PTPN9: variants seen among roughly 807,000 people sequenced by gnomAD.
PTPN9 encodes the protein tyrosine-protein phosphatase non-receptor type 9.
In PTPN9, 26 loss-of-function variants were observed where a neutral mutation model predicts 69.8. The ratio of observed to expected loss-of-function variants is 0.37; its 90% CI spans 0.27 to 0.52. The LOEUF (loss-of-function observed/expected upper bound fraction) is 0.52, where lower values mean the gene tolerates loss of function less well. Among genes scored for constraint, PTPN9 ranks in the 20% least tolerant of loss-of-function variants. PTPN9 has a pLI of 0.91. For missense variants in PTPN9, 549 were observed against 740.3 expected, an observed-to-expected ratio of 0.74 and a Z score of 3.00; for synonymous variants, 274 against 272.5, an observed-to-expected ratio of 1.01 and a Z score of -0.05.
intron 1 of PTPN9, among the ~76,000 whole-genome samples, chr15:75,561,546 G>A (rs1221090842): frequency 6.6e-6 from 1 of 152,000 alleles, no homozygotes; most frequent in Non-Finnish European, 1.5e-5. Context: ...TGTGGTACTT[G>A]AGAGATTAAA....
chr15:75,530,802 TTATAA>T (rs1317057980), intron 1 of PTPN9, among the ~76,000 whole-genome samples: 13 of 91,684 alleles, frequency 1.4e-4, no homozygotes, highest in Non-Finnish European at 2.3e-4. Flanking sequence ...ATAGAATATA[TTATAA>T]TATATCATAA....
rs2074533008 is a variant in PTPN9 at position 75,465,449 on chromosome 15, G to A, written c.*3320C>T. 1 of 152,196 alleles carries A rather than the reference G, an allele frequency of 6.6e-6. No individual in the cohort carries two copies. The highest frequency in any genetic ancestry group is 6.5e-5 in the Admixed American group (1 of 15,270). The allele number at this position is 152,196 out of a possible 1,614,324, so 9.4% of individuals were successfully genotyped here. ...TTTGTTCACTAAGTCTCCTGTATGA[G>A]AACCCTGACTTGCCAAACAGATTCT... On this transcript the variant is annotated 3_prime_UTR_variant, in exon 13 of 13. Transcript: ENST00000618819.
chr15:75,550,664 G>A (rs956246768), intron 1 of PTPN9, among the ~76,000 whole-genome samples: 16 of 151,950 alleles, frequency 1.1e-4, no homozygotes, highest in African/African-American at 3.9e-4. Flanking sequence ...GCGCATGCCT[G>A]TAATCCCAAC....
In PTPN9 at chr15:75,485,494, G is replaced by A. The variant is rs867137159; in HGVS notation, c.1062+4714C>T. ...CGCCATTCTCCTGCCTCAGCCTCCC[G>A]AGTAGCTGGGACTACAGGCGCCCGC... On this transcript the variant is annotated intron_variant, in intron 8 of 12. Transcript: ENST00000618819. 4.0e-3 allele frequency among the ~76,000 whole-genome samples: 580 copies of A among 146,794 alleles called. 3 individuals carry two copies. The highest frequency in any genetic ancestry group is 0.014 in the African/African-American group (537 of 39,594).
intron 1 of PTPN9, among the ~76,000 whole-genome samples, chr15:75,543,336 T>C (rs2075017453): frequency 6.6e-6 from 1 of 152,122 alleles, no homozygotes; most frequent in South Asian, 2.1e-4. Context: ...TACTACATCA[T>C]ACTCAACACT....
In PTPN9 at chr15:75,480,612, G is replaced by C. The variant is rs943024023; in HGVS notation, c.1063-698C>G. The stretch of plus-strand genomic sequence containing the variant: ...GCTGCGCTGCGGCCTGGGGCAGTGC[G>C]GAGCCGGGACAGTCGCGGCGCTGAC... On this transcript the variant is annotated intron_variant, in intron 8 of 12. Coordinates refer to ENST00000618819, the MANE Select transcript of PTPN9 (RefSeq NM_002833.4). 181 of 1,140,784 alleles carry C rather than the reference G, an allele frequency of 1.6e-4. No individual in the cohort carries two copies. The African/African-American group carries it at 2.0e-3, about 12-fold the overall frequency. The allele number at this position is 1,140,784 out of a possible 1,614,324, so 70.7% of individuals were successfully genotyped here.
chr15:75,490,161 C>A (rs2074700709), intron 8 of PTPN9, 47 bp downstream of exon 8: 1 of 1,388,986 alleles, frequency 7.2e-7, no homozygotes, highest in Admixed American at 1.7e-5. Flanking sequence ...TTGGAAGAAG[C>A]TCTATTTCCC....
At chr15:75,545,716 G>C (rs76846006) in intron 1 of PTPN9, among the ~76,000 whole-genome samples, 3,583 of 152,288 alleles carry the variant, frequency 0.024, 59 homozygotes, top group South Asian at 0.04. Context: ...GAGGCAGGTG[G>C]AATCACTTGA....
At chr15:75,502,839 G>T (rs2074781474) in intron 7 of PTPN9, among the ~76,000 whole-genome samples, 1 of 152,154 alleles carries the variant, frequency 6.6e-6, no homozygotes, top group Admixed American at 6.5e-5. Context: ...AAAAAAACTT[G>T]CATTTCAGAA....
At chr15:75,570,942 A>G (rs1339481952) in intron 1 of PTPN9, among the ~76,000 whole-genome samples, 1 of 152,076 alleles carries the variant, frequency 6.6e-6, no homozygotes, top group Non-Finnish European at 1.5e-5. Flanking sequence ...TTAAGCTAAC[A>G]TGGTTCTAAA....
At position 75,464,306 on chromosome 15, in the gene PTPN9, A is replaced by C. The variant is rs1368896283; in HGVS notation, c.*4463T>G. ...GAGAGAGAGAGAGAAAAAAAAAAAA[A>C]GCTGGGTTCCTGCTTGAGCCCAGTT... On this transcript the variant is annotated 3_prime_UTR_variant, in exon 13 of 13. Transcript: ENST00000618819. 6.6e-6 allele frequency: 1 copy of C among 151,938 alleles called. No homozygotes were observed. Among genetic ancestry groups the C allele is most frequent in the Non-Finnish European group, 1.5e-5 (1 of 68,166 alleles). 9.4% of individuals were successfully genotyped at this position (151,938 alleles called of 1,614,324 possible). A position where few individuals can be genotyped will look rare whatever the true frequency, so the allele number is the denominator to read the frequency against.
chr15:75,563,079 T>G (rs1459137855), intron 1 of PTPN9, among the ~76,000 whole-genome samples: 1 of 152,124 alleles, frequency 6.6e-6, no homozygotes, highest in Non-Finnish European at 1.5e-5. Context: ...ATCCTCGCCC[T>G]CCTCCCACTC....
chr15:75,486,787 T>G lies in PTPN9; in HGVS notation c.1062+3421A>C, dbSNP rs939560789. The stretch of plus-strand genomic sequence containing the variant: ...GAAGTAATGCATATGTGGTGTTTTT[T>G]TTTTTTTTTTTTTTGAGACGGAGTC... On this transcript the variant is annotated intron_variant, in intron 8 of 12. Transcript: ENST00000618819. 2.8e-3 allele frequency among the ~76,000 whole-genome samples: 418 copies of G among 149,898 alleles called. 2 individuals carry two copies. Among genetic ancestry groups the G allele is most frequent in the African/African-American group, 9.5e-3 (388 of 40,710 alleles).
intron 8 of PTPN9, among the ~76,000 whole-genome samples, chr15:75,482,645 G>A (rs1379174632): frequency 2.0e-5 from 3 of 149,968 alleles, no homozygotes; most frequent in East Asian, 1.9e-4. Context: ...CACTGCGGAA[G>A]GCCGCAGGGT....
chr15:75,472,298 A>C (rs1234601652), intron 10 of PTPN9, among the ~76,000 whole-genome samples: 1 of 151,050 alleles, frequency 6.6e-6, no homozygotes, highest in Non-Finnish European at 1.5e-5. Flanking sequence ...TCTCTACTAA[A>C]AATACAAAAA....
chr15:75,505,147 G>A lies in PTPN9; in HGVS notation c.968+528C>T, dbSNP rs551199276. ...CTTCTGCCTTGGGATCCTGTTGATCGGTGACCTTACCCCCAACCCTGTGCT... is the reference window on the plus strand; with the variant it reads ...CTTCTGCCTTGGGATCCTGTTGATCAGTGACCTTACCCCCAACCCTGTGCT... On this transcript the variant is annotated intron_variant, in intron 7 of 12. Coordinates refer to ENST00000618819, the MANE Select transcript of PTPN9 (RefSeq NM_002833.4). 1.4e-3 allele frequency among the ~76,000 whole-genome samples: 208 copies of A among 151,540 alleles called. 2 individuals are homozygous for A. The East Asian group carries it at 0.033, about 24-fold the overall frequency.
chr15:75,551,621 C>A (rs940706514), intron 1 of PTPN9, among the ~76,000 whole-genome samples: 1 of 152,166 alleles, frequency 6.6e-6, no homozygotes, highest in Non-Finnish European at 1.5e-5. Flanking sequence ...GTATCTGTCT[C>A]TGGCCTAGTC....
intron 7 of PTPN9, among the ~76,000 whole-genome samples, chr15:75,504,284 G>T (rs1457152568): frequency 2.4e-5 from 3 of 126,230 alleles, no homozygotes. Flanking sequence ...CCGGCCAGCC[G>T]CCCCGTCCGG....
chr15:75,566,678 C>CAA (rs71140171), intron 1 of PTPN9, among the ~76,000 whole-genome samples: 4 of 112,772 alleles, frequency 3.5e-5, no homozygotes, highest in African/African-American at 6.7e-5. Flanking sequence ...CACTCTGTCT[C>CAA]AAAAAAAAAA....
Sources: allele counts gnomAD v4.1 joint callset (sites outside exome capture counted in the v4.1 genomes callset), GRCh38; gene constraint gnomAD v4.1.1; transcripts MANE v1.5; gene names NCBI Gene and HGNC (gene_info 2026-07-23, HGNC 2026-07-21).